Variants in CDKAL1 observed in about 807,000 individuals in gnomAD.
CDKAL1 encodes CDKAL1 threonylcarbamoyladenosine tRNA methylthiotransferase.
CDKAL1 carries 32 observed loss-of-function variants against 68.2 expected under a neutral mutation model. The observed-to-expected ratio is 0.47, with a 90% CI of 0.35 to 0.63. CDKAL1 has a LOEUF of 0.63. Among genes scored for constraint, CDKAL1 ranks in the 30% least tolerant of loss-of-function variants. CDKAL1 has a pLI of 0.00. For missense variants in CDKAL1, 606 were observed against 696.7 expected (o/e 0.87, Z 1.47); for synonymous variants, 234 against 244.3 (o/e 0.96, Z 0.39).
At chr6:21,181,247 C>T (rs1439754669) in intron 13 of CDKAL1, among the ~76,000 whole-genome samples, 1 of 152,260 alleles carries the variant, frequency 6.6e-6, no homozygotes, top group African/African-American at 2.4e-5. Flanking sequence ...CATCTCAACA[C>T]TCTTACAATG....
rs1401010369 is a variant in CDKAL1 at position 20,558,355 on chromosome 6, C to T, written c.286+9650C>T. Among the ~76,000 whole-genome samples, 3 of 152,070 alleles carry T rather than the reference C, an allele frequency of 2.0e-5. No homozygotes were observed. In the East Asian group the frequency reaches 5.8e-4, roughly 29 times the overall value. ...TGATAGCTTCCCTACCTTTTATCTG[C>T]CCAGACAACAAAAATAAAACAGCTC... On this transcript the variant is annotated intron_variant, in intron 4 of 15. Coordinates refer to ENST00000274695, the MANE Select transcript of CDKAL1 (RefSeq NM_017774.3).
chr6:20,921,123 C>T lies in CDKAL1; in HGVS notation c.743-34296C>T, dbSNP rs182007710. ...CACCCCAGCCAGCCAGGTTGTTACA[C>T]CTGTCTTTAAAAAAAATAATAAACT... On this transcript the variant is annotated intron_variant, in intron 9 of 15. Transcript: ENST00000274695. Among the ~76,000 whole-genome samples the T allele has an allele frequency of 6.0e-3, 909 of 152,198 alleles. 8 individuals carry two copies. Among genetic ancestry groups the T allele is most frequent in the African/African-American group, 0.021 (875 of 41,540 alleles).
intron 4 of CDKAL1, among the ~76,000 whole-genome samples, chr6:20,589,333 T>C (rs755602430): frequency 2.0e-5 from 3 of 152,216 alleles, no homozygotes; most frequent in Non-Finnish European, 4.4e-5. Context: ...GTTACTTCCT[T>C]TTTATTTTGT....
At chr6:20,609,082 A>G (rs1247728305) in intron 4 of CDKAL1, among the ~76,000 whole-genome samples, 1 of 152,224 alleles carries the variant, frequency 6.6e-6, no homozygotes, top group East Asian at 1.9e-4. Context: ...TGGACTGCAC[A>G]TATGGGAATA....
intron 11 of CDKAL1, among the ~76,000 whole-genome samples, chr6:21,061,133 G>T (rs1270065594): frequency 1.3e-5 from 2 of 152,074 alleles, no homozygotes; most frequent in Non-Finnish European, 1.5e-5. Flanking sequence ...TAAATTACAG[G>T]CTAGAGCCAA....
chr6:20,627,495 G>A (rs1157500166), intron 4 of CDKAL1, among the ~76,000 whole-genome samples: 1 of 152,170 alleles, frequency 6.6e-6, no homozygotes, highest in African/African-American at 2.4e-5. Flanking sequence ...ATTGATTGGT[G>A]TAGCTGTATA....
chr6:20,926,528 GTAAAAA>G (rs1763196277), intron 9 of CDKAL1, among the ~76,000 whole-genome samples: 1 of 152,162 alleles, frequency 6.6e-6, no homozygotes, highest in African/African-American at 2.4e-5. Flanking sequence ...TGAAAACAGA[GTAAAAA>G]TAAATGCATA....
chr6:20,630,122 G>A (rs938623328), intron 4 of CDKAL1, among the ~76,000 whole-genome samples: 1 of 152,098 alleles, frequency 6.6e-6, no homozygotes, highest in African/African-American at 2.4e-5. Flanking sequence ...GCCTGCCTCG[G>A]CCTCCCAAAG....
At chr6:20,961,534 G>A (rs1212711077) in intron 10 of CDKAL1, among the ~76,000 whole-genome samples, 4 of 152,222 alleles carry the variant, frequency 2.6e-5, no homozygotes, top group Admixed American at 2.0e-4. Flanking sequence ...TCGGGAGGCC[G>A]AGGCGGGTGG....
intron 10 of CDKAL1, among the ~76,000 whole-genome samples, chr6:20,962,736 T>C (rs945574173): frequency 1.3e-5 from 2 of 152,244 alleles, no homozygotes; most frequent in Admixed American, 1.3e-4. Flanking sequence ...TACTGTTGTA[T>C]ACAAAATATT....
At chr6:21,129,590 A>G (rs1775183753) in intron 13 of CDKAL1, among the ~76,000 whole-genome samples, 1 of 149,296 alleles carries the variant, frequency 6.7e-6, no homozygotes, top group African/African-American at 2.5e-5. Flanking sequence ...TAGACTCAGC[A>G]GCATGTTGTA....
chr6:20,535,093 G>C (rs1763115844), intron 1 of CDKAL1: 1 of 152,082 alleles, frequency 6.6e-6, no homozygotes, highest in Non-Finnish European at 1.5e-5. Flanking sequence ...GTAGTGGTTG[G>C]TTACTCGCAC....
intron 4 of CDKAL1, among the ~76,000 whole-genome samples, chr6:20,648,357 G>A (rs1306667459): frequency 6.6e-6 from 1 of 151,804 alleles, no homozygotes; most frequent in Non-Finnish European, 1.5e-5. Context: ...CTTGAACTAC[G>A]GACCTCATGA....
At chr6:21,003,542 G>A (rs1767568400) in intron 11 of CDKAL1, among the ~76,000 whole-genome samples, 1 of 149,862 alleles carries the variant, frequency 6.7e-6, no homozygotes, top group Non-Finnish European at 1.5e-5. Context: ...CTCCAGCCTG[G>A]GTGACAGAGT....
intron 5 of CDKAL1, among the ~76,000 whole-genome samples, chr6:20,662,259 A>G (rs1039913469): frequency 2.0e-5 from 3 of 152,070 alleles, no homozygotes; most frequent in African/African-American, 7.2e-5. Context: ...AACCCTTTTT[A>G]TTTCTTACTT....
chr6:21,037,298 C>T (rs62403408), intron 11 of CDKAL1, among the ~76,000 whole-genome samples: 15,229 of 152,162 alleles, frequency 0.1, 918 homozygotes, highest in Middle Eastern at 0.16. Context: ...GTGCTTGGAG[C>T]AGAATGCCTT....
intron 12 of CDKAL1, among the ~76,000 whole-genome samples, chr6:21,103,364 T>C (rs996495744): frequency 2.6e-5 from 4 of 152,112 alleles, no homozygotes. Flanking sequence ...AAACCTGAAC[T>C]GTTAAAAATA....
chr6:20,802,343 A>G (rs1165581734), intron 8 of CDKAL1, among the ~76,000 whole-genome samples: 2 of 148,886 alleles, frequency 1.3e-5, no homozygotes, highest in South Asian at 2.1e-4. Flanking sequence ...TAATAATAAT[A>G]ATGTGAATGA....
chr6:20,541,764 A>G (rs1201251436), intron 2 of CDKAL1, among the ~76,000 whole-genome samples: 1 of 152,018 alleles, frequency 6.6e-6, no homozygotes, highest in African/African-American at 2.4e-5. Context: ...GGGTTCAAGC[A>G]ATTCTCCTGT....
Sources: allele counts gnomAD v4.1 joint callset (sites outside exome capture counted in the v4.1 genomes callset), GRCh38; gene constraint gnomAD v4.1.1; transcripts MANE v1.5; gene names NCBI Gene and HGNC (gene_info 2026-07-23, HGNC 2026-07-21).